Variants in FAM228B observed in about 807,000 individuals in gnomAD.
FAM228B encodes family with sequence similarity 228 member B, also known as protein FAM228B.
Under a neutral mutation model 42.6 loss-of-function variants are expected in FAM228B, and 38 were observed. The observed-to-expected ratio is 0.89, with a 90% CI of 0.69 to 1.17. The LOEUF (loss-of-function observed/expected upper bound fraction) is 1.17, where lower values mean the gene tolerates loss of function less well. Among genes scored for constraint, FAM228B ranks in the 50% most tolerant of loss-of-function variants. The pLI, the probability that FAM228B is intolerant of heterozygous loss-of-function variation, is 0.00. For synonymous variants in FAM228B, 109 were observed against 122.3 expected, an observed-to-expected ratio of 0.89 and a Z score of 0.72; for missense variants, 344 against 367.3, an observed-to-expected ratio of 0.94 and a Z score of 0.52.
intron 7 of FAM228B, 69 bp from the exon 8 acceptor site, chr2:24,161,437 G>A: frequency 1.1e-6 from 1 of 925,274 alleles, no homozygotes; most frequent in East Asian, 2.7e-5. Flanking sequence ...GAGCAACAGA[G>A]ATCTTGTCTC....
At chr2:24,136,087 G>T (rs1298391952) in intron 3 of FAM228B, among the ~76,000 whole-genome samples, 1 of 115,866 alleles carries the variant, frequency 8.6e-6, no homozygotes, top group Non-Finnish European at 1.7e-5. Flanking sequence ...TTTGAGACAG[G>T]GTCTCACTCT....
chr2:24,097,960 G>C (rs1665534662), intron 3 of FAM228B, among the ~76,000 whole-genome samples: 1 of 152,162 alleles, frequency 6.6e-6, no homozygotes, highest in Non-Finnish European at 1.5e-5. Flanking sequence ...AATCAAATTA[G>C]AACTCAGGAT....
Position 24,077,697 on chromosome 2 carries a change from G to A in FAM228B, c.-290+728G>A. 1.2e-6 allele frequency: 2 copies of A among 1,614,112 alleles called. No homozygotes were observed. The highest frequency in any genetic ancestry group is 1.7e-6 in the Non-Finnish European group (2 of 1,179,990). ...GTCCAGAACCGGCAGCAGACGTTGG[G>A]GGCCCTCCGTGGAGAAGTGAGGCAG... On this transcript the variant is annotated intron_variant, in intron 1 of 10. Transcript: ENST00000613899. This position sits in a 1 kb window ranked among gnomAD's most constrained non-coding sequence, Gnocchi z 5.5.
intron 5 of FAM228B, among the ~76,000 whole-genome samples, chr2:24,142,925 C>T (rs994124866): frequency 4.1e-4 from 63 of 152,302 alleles, no homozygotes; most frequent in Non-Finnish European, 2.9e-5. Context: ...TGCATAACTC[C>T]ATGATCCAAT....
intron 7 of FAM228B, among the ~76,000 whole-genome samples, chr2:24,149,540 C>T (rs1313145767): frequency 2.0e-5 from 3 of 152,140 alleles, no homozygotes; most frequent in Non-Finnish European, 4.4e-5. Context: ...TCAAGCAATT[C>T]TCCTGTCTCA....
chr2:24,122,225 G>A (rs564168858), upstream of FAM228B, among the ~76,000 whole-genome samples: 65 of 152,066 alleles, frequency 4.3e-4, no homozygotes, highest in African/African-American at 1.5e-3. Context: ...CCAGCTACTC[G>A]GGAGGCTAAG....
chr2:24,143,763 A>T (rs572731934), intron 5 of FAM228B, among the ~76,000 whole-genome samples: 82 of 152,286 alleles, frequency 5.4e-4, no homozygotes, highest in African/African-American at 1.9e-3. Flanking sequence ...GCAATTTAAA[A>T]TTTTCTGTTT....
At position 24,103,786 on chromosome 2, in the gene FAM228B, G is replaced by A. The variant is rs150813239; in HGVS notation, c.-121+8557G>A. Among the ~76,000 whole-genome samples, 109 of 152,338 alleles carry A rather than the reference G, an allele frequency of 7.2e-4. No individual in the cohort carries two copies. In the East Asian group the frequency reaches 8.3e-3, roughly 12 times the overall value. On this transcript the variant is annotated intron_variant, in intron 3 of 10. Transcript: ENST00000613899. ...CCCTGCCTGTCGGTATGTGGAGCGC[G>A]GGTCTACAGCTCACAGAACTGAGTT...
chr2:24,156,305 G>C (rs1328327542), intron 7 of FAM228B, among the ~76,000 whole-genome samples: 3 of 152,032 alleles, frequency 2.0e-5, no homozygotes, highest in Admixed American at 2.0e-4. Flanking sequence ...CCAGCACTGG[G>C]CTCTGTCATA....
chr2:24,146,839 C>T lies in FAM228B; in HGVS notation c.529+4C>T. ...ACTCTTCTTCAGTGTGAGACTGGTA[C>T]TTAGTTCCTAATTGTTATGTGATTT... On this transcript the variant is annotated splice_donor_region_variant and intron_variant, in intron 6 of 10. Coordinates refer to ENST00000615575, the MANE Select transcript of FAM228B (RefSeq NM_001145710.2). 1.3e-6 allele frequency: 2 copies of T among 1,542,030 alleles called. No homozygotes were observed. Among genetic ancestry groups the T allele is most frequent in the Non-Finnish European group, 1.8e-6 (2 of 1,138,586 alleles).
chr2:24,146,870 C>G (rs1233874447), intron 6 of FAM228B, 35 bp downstream of exon 6: 7 of 1,538,624 alleles, frequency 4.5e-6, no homozygotes, highest in Non-Finnish European at 6.2e-6. Flanking sequence ...GATTTCATAG[C>G]CCAAGAGCAA....
chr2:24,164,743 C>T (rs188026702), intron 9 of FAM228B, among the ~76,000 whole-genome samples: 152 of 152,238 alleles, frequency 1.0e-3, no homozygotes, highest in African/African-American at 3.5e-3. Context: ...TTAAGGCAGT[C>T]AAGATAGGTA....
chr2:24,133,047 C>T (rs868104979), intron 2 of FAM228B, among the ~76,000 whole-genome samples: 3 of 152,284 alleles, frequency 2.0e-5, no homozygotes, highest in African/African-American at 4.8e-5. Context: ...CCCATGCTTA[C>T]CCCAAACTCT....
rs1234525164 is a variant in FAM228B at position 24,084,385 on chromosome 2, A to ACAGGACAGGG, written c.-210+3435_-210+3444dup. ...ACAGGACAGGGCAGGGCAGGGCAGG[A>ACAGGACAGGG]CAGGACAGGGCAGGGCAGGACAGGA... On this transcript the variant is annotated intron_variant, in intron 2 of 10. Coordinates refer to the FAM228B transcript ENST00000613899. This position sits in a 1 kb window ranked among gnomAD's most constrained non-coding sequence, Gnocchi z 8.4. 1 of 1,330,356 alleles carries ACAGGACAGGG rather than the reference A, an allele frequency of 7.5e-7. No homozygotes were observed. The highest frequency in any genetic ancestry group is 1.0e-6 in the Non-Finnish European group (1 of 959,452). 82.4% of individuals were successfully genotyped at this position (1,330,356 alleles called of 1,614,324 possible).
intron 2 of FAM228B, among the ~76,000 whole-genome samples, chr2:24,125,531 T>TTTCTTTCTCTTTCTTTCA (rs1666288368): frequency 6.6e-6 from 1 of 151,936 alleles, no homozygotes; most frequent in Non-Finnish European, 1.5e-5. Flanking sequence ...ACTGCTTTTC[T>TTTCTTTCTCTTTCTTTCA]TTCTTTCTCT....
intron 7 of FAM228B, among the ~76,000 whole-genome samples, chr2:24,149,666 C>T (rs1427059859): frequency 6.6e-6 from 1 of 152,278 alleles, no homozygotes; most frequent in Non-Finnish European, 1.5e-5. Context: ...CTCCTGATCT[C>T]AGGTGATCCA....
intron 2 of FAM228B, 51 bp downstream of exon 2, chr2:24,124,511 C>G (rs1243744243): frequency 5.1e-6 from 6 of 1,178,008 alleles, no homozygotes; most frequent in Non-Finnish European, 7.2e-6. Flanking sequence ...TGGATCGTTG[C>G]AGTAGGAAGT....
intron 3 of FAM228B, among the ~76,000 whole-genome samples, chr2:24,111,132 C>T (rs553811155): frequency 8.6e-4 from 131 of 152,200 alleles, no homozygotes; most frequent in Non-Finnish European, 1.4e-3. Context: ...ATGATCATAG[C>T]TCAGTGTAAC....
At chr2:24,166,601 G>A (rs959306750) in intron 9 of FAM228B, 1 of 151,824 alleles carries the variant, frequency 6.6e-6, no homozygotes, top group Non-Finnish European at 1.5e-5. Flanking sequence ...AGACGGCTCC[G>A]ATTTCCTGGA....
Sources: allele counts gnomAD v4.1 joint callset (sites outside exome capture counted in the v4.1 genomes callset), GRCh38; gene constraint gnomAD v4.1.1; non-coding constraint Gnocchi (gnomAD v3.1); transcripts MANE v1.5; gene names NCBI Gene and HGNC (gene_info 2026-07-23, HGNC 2026-07-21).